The following EVL variants were observed in gnomAD, a reference collection of about 807,000 sequenced individuals.
EVL encodes the protein ena/VASP-like protein.
In EVL, 21 loss-of-function variants were observed where a neutral mutation model predicts 59.6. The ratio of observed to expected loss-of-function variants is 0.35; its 90% CI spans 0.25 to 0.51. The LOEUF (loss-of-function observed/expected upper bound fraction) is 0.51. Ranked by LOEUF, EVL falls within the 20% of genes least tolerant of loss-of-function variation. The pLI is 0.97. For missense variants in EVL, 462 were observed against 546.6 expected (o/e 0.85, Z 1.54); for synonymous variants, 198 against 203.5 (o/e 0.97, Z 0.23).
chr14:100,050,045 G>A (rs928440967), intron 1 of EVL, among the ~76,000 whole-genome samples: 2 of 152,122 alleles, frequency 1.3e-5, no homozygotes, highest in East Asian at 3.9e-4. Context: ...TACGTTAGTC[G>A]ATCCTCGCTC....
chr14:100,131,359 T>C (rs1041617389), intron 7 of EVL, among the ~76,000 whole-genome samples: 3 of 152,166 alleles, frequency 2.0e-5, no homozygotes, highest in Non-Finnish European at 4.4e-5. Flanking sequence ...ATGCTTTGCA[T>C]AGCTCAGCAG....
At chr14:100,014,524 G>C (rs1361197893) in intron 1 of EVL, among the ~76,000 whole-genome samples, 1 of 152,142 alleles carries the variant, frequency 6.6e-6, no homozygotes, top group African/African-American at 2.4e-5. Flanking sequence ...TCTTTATCCA[G>C]TCATCTGTTG....
chr14:100,137,885 G>C, intron 11 of EVL, 83 bp downstream of exon 11: 1 of 1,346,552 alleles, frequency 7.4e-7, no homozygotes, highest in Admixed American at 1.7e-5. Flanking sequence ...ACCCTTGCAC[G>C]CTGTCTCACG....
chr14:100,113,079 G>T (rs1423486811), intron 3 of EVL, among the ~76,000 whole-genome samples: 1 of 152,246 alleles, frequency 6.6e-6, no homozygotes, highest in Non-Finnish European at 1.5e-5. Context: ...TACTGGGAGA[G>T]CCCTGGGGGC....
chr14:100,100,388 C>T (rs762421417), intron 3 of EVL, among the ~76,000 whole-genome samples: 15 of 152,086 alleles, frequency 9.9e-5, no homozygotes, highest in African/African-American at 3.1e-4. Context: ...AGCCCACTGA[C>T]GAATAAGCTT....
intron 3 of EVL, among the ~76,000 whole-genome samples, chr14:100,099,196 A>G (rs908454653): frequency 8.6e-4 from 130 of 151,890 alleles, no homozygotes; most frequent in African/African-American, 2.4e-3. Flanking sequence ...AAAAAAAAAA[A>G]AAAGAAAAAG....
At chr14:99,979,307 C>A (rs559725562) in intron 1 of EVL, among the ~76,000 whole-genome samples, 1 of 151,994 alleles carries the variant, frequency 6.6e-6, no homozygotes, top group African/African-American at 2.4e-5. Flanking sequence ...ATATTCGAGT[C>A]ATTTATCTAT....
At chr14:100,022,278 G>GGT (rs2061139070) in intron 1 of EVL, among the ~76,000 whole-genome samples, 1 of 129,182 alleles carries the variant, frequency 7.7e-6, no homozygotes, top group African/African-American at 2.8e-5. Context: ...TTCTTGGTTT[G>GGT]TTTTTTTTTT....
chr14:100,016,206 G>A (rs1224484350), intron 1 of EVL, among the ~76,000 whole-genome samples: 3 of 151,842 alleles, frequency 2.0e-5, no homozygotes, highest in African/African-American at 4.8e-5. Flanking sequence ...AGTTGTTGGC[G>A]AATGGCTTGG....
intron 1 of EVL, among the ~76,000 whole-genome samples, chr14:100,035,306 C>G (rs547528572): frequency 1.3e-5 from 2 of 149,714 alleles, no homozygotes; most frequent in East Asian, 2.0e-4. Context: ...TTGCATAGTT[C>G]CAAGATGGTA....
chr14:100,065,458 G>A lies in EVL; in HGVS notation c.-43G>A, dbSNP rs2061910284. 1 of 1,449,072 alleles carries A rather than the reference G, an allele frequency of 6.9e-7. No individual in the cohort carries two copies. The highest frequency in any genetic ancestry group is 9.2e-7 in the Non-Finnish European group (1 of 1,085,504). The allele number at this position is 1,449,072 out of a possible 1,614,324, so 89.8% of individuals were successfully genotyped here. A position where few individuals can be genotyped will look rare whatever the true frequency, so the allele number is the denominator to read the frequency against. ...ATCAACATAGGCTGGTGGGAGTACA[G>A]GACTCGCCTCCTCAGGGTTCCCTGT... is the stretch of plus-strand genomic sequence containing the variant. On this transcript the variant is annotated 5_prime_UTR_variant, in exon 1 of 14. Transcript: ENST00000392920.
intron 1 of EVL, among the ~76,000 whole-genome samples, chr14:100,025,922 G>GT (rs1238725227): frequency 2.0e-5 from 3 of 151,976 alleles, no homozygotes; most frequent in Non-Finnish European, 4.4e-5. Context: ...AGCAATAACA[G>GT]TGACACTCTG....
At chr14:100,053,387 G>T (rs980899391) in intron 1 of EVL, among the ~76,000 whole-genome samples, 1 of 151,978 alleles carries the variant, frequency 6.6e-6, no homozygotes, top group Non-Finnish European at 1.5e-5. Context: ...TCCTCCCTTA[G>T]TGTGACCCAT....
chr14:100,090,666 G>A (rs570194439), intron 2 of EVL, among the ~76,000 whole-genome samples: 2 of 152,138 alleles, frequency 1.3e-5, no homozygotes, highest in African/African-American at 2.4e-5. Context: ...CCGGAAAACC[G>A]TAAGGTCATC....
intron 3 of EVL, among the ~76,000 whole-genome samples, chr14:100,115,048 A>C (rs960357043): frequency 2.0e-5 from 3 of 151,696 alleles, no homozygotes; most frequent in Non-Finnish European, 4.4e-5. Flanking sequence ...TTAGTCACAA[A>C]AAAAAAAACA....
rs532512303 is a variant in EVL, at chr14:99,993,685, C to CTTTTTTTTTT, written c.5+21643_5+21652dup. Among the ~76,000 whole-genome samples, 310 of 78,268 alleles carry CTTTTTTTTTT rather than the reference C, an allele frequency of 4.0e-3. 5 individuals are homozygous for CTTTTTTTTTT. Among genetic ancestry groups the CTTTTTTTTTT allele is most frequent in the African/African-American group, 0.016 (261 of 16,528 alleles). 51.3% of individuals were successfully genotyped at this position (78,268 alleles called of 152,430 possible). On this transcript the variant is annotated intron_variant, in intron 1 of 13. Coordinates refer to the EVL transcript ENST00000402714. Reference sequence around the variant, plus strand: ...GTCTTTTCAGATTGTTTCTTTCTTTCTTTTTTTTTTTTTTTTTTTTTTTTG... The same window carrying CTTTTTTTTTT: ...GTCTTTTCAGATTGTTTCTTTCTTTCTTTTTTTTTTTTTTTTTTTTTTTTTTTTTTTTTTG...
At position 100,097,474 on chromosome 14, in the gene EVL, C is replaced by T. The variant is rs950988755; in HGVS notation, c.181-7C>T. ...TTACACGTATTTCTCTCTCCTTTCT[C>T]CTCCAGGTTGTGATCAATTATTCAA... On this transcript the variant is annotated splice_region_variant and splice_polypyrimidine_tract_variant and intron_variant, in intron 2 of 13. Transcript: ENST00000392920. 8 of 1,598,502 alleles carry T rather than the reference C, an allele frequency of 5.0e-6. No homozygotes were observed. The highest frequency in any genetic ancestry group is 6.8e-6 in the Non-Finnish European group (8 of 1,173,046).
upstream of EVL, among the ~76,000 whole-genome samples, chr14:100,061,251 C>G (rs1159595198): frequency 6.6e-6 from 1 of 150,920 alleles, no homozygotes; most frequent in Non-Finnish European, 1.5e-5. Flanking sequence ...TTACAAAATA[C>G]AAAAAATACA....
At chr14:100,058,891 C>T (rs1566989664) in intron 1 of EVL, among the ~76,000 whole-genome samples, 1 of 151,990 alleles carries the variant, frequency 6.6e-6, no homozygotes, top group Non-Finnish European at 1.5e-5. Context: ...AATTGGAGTG[C>T]CAAAAGGTTC....
Sources: gnomAD v4.1 joint callset for allele counts (sites outside exome capture counted in the v4.1 genomes callset) on GRCh38, gnomAD v4.1.1 for gene constraint, MANE v1.5 for transcripts, NCBI Gene and HGNC (gene_info 2026-07-23, HGNC 2026-07-21) for gene names.